The following AGTPBP1 variants were observed in gnomAD, a reference collection of about 807,000 sequenced individuals.
The protein encoded by AGTPBP1 is cytosolic carboxypeptidase 1.
Under a neutral mutation model 143.9 loss-of-function variants are expected in AGTPBP1, and 70 were observed. That is an observed-to-expected ratio of 0.49 (90% CI 0.40 to 0.59). AGTPBP1 has a LOEUF of 0.59. Among genes scored for constraint, AGTPBP1 ranks in the 20% least tolerant of loss-of-function variants. AGTPBP1 has a pLI of 0.00. For missense variants in AGTPBP1, 1,229 were observed against 1,464.5 expected, an observed-to-expected ratio of 0.84 and a Z score of 2.62; for synonymous variants, 463 against 500.2, an observed-to-expected ratio of 0.93 and a Z score of 0.99.
chr9:85,781,687 T>C, the AGTPBP1 span, among the ~76,000 whole-genome samples: 1 of 152,198 alleles, frequency 6.6e-6, no homozygotes, highest in Non-Finnish European at 1.5e-5. Flanking sequence ...AAATTAAGCC[T>C]TCTGATTATC....
rs1245015802 is a variant in AGTPBP1, at chr9:85,592,557, T to C, written c.2568+3A>G. 2 of 1,583,606 alleles carry C rather than the reference T, an allele frequency of 1.3e-6. No homozygotes were observed. The highest frequency in any genetic ancestry group is 1.4e-5 in the African/African-American group (1 of 73,398). ...ATAATACAATTTAATTTAGAGTTCT[T>C]ACCTGTAAAGTTGAATACGTATATG... On this transcript the variant is annotated splice_donor_region_variant and intron_variant, in intron 19 of 25. Transcript: ENST00000357081.
chr9:85,646,628 T>C (rs1178938895), intron 11 of AGTPBP1, among the ~76,000 whole-genome samples: 1 of 152,234 alleles, frequency 6.6e-6, no homozygotes, highest in Non-Finnish European at 1.5e-5. Flanking sequence ...GAAAGCACTG[T>C]AAAGGTGAAT....
the AGTPBP1 span, among the ~76,000 whole-genome samples, chr9:85,781,959 G>T: frequency 6.6e-6 from 1 of 152,128 alleles, no homozygotes; most frequent in Non-Finnish European, 1.5e-5. Context: ...CCCTCTTTAA[G>T]ATAGCTGAAT....
At chr9:85,561,409 C>A (rs1432655454) in intron 25 of AGTPBP1, among the ~76,000 whole-genome samples, 1 of 151,114 alleles carries the variant, frequency 6.6e-6, no homozygotes, top group Non-Finnish European at 1.5e-5. Context: ...AAAAGACAGA[C>A]CATTTTCAAA....
chr9:85,600,168 T>A (rs904662543), intron 17 of AGTPBP1, among the ~76,000 whole-genome samples: 1 of 152,220 alleles, frequency 6.6e-6, no homozygotes, highest in South Asian at 2.1e-4. Flanking sequence ...TCTTTTAAAG[T>A]GGAAGCATGT....
At chr9:85,647,955 C>T (rs1226087391) in intron 11 of AGTPBP1, among the ~76,000 whole-genome samples, 1 of 152,048 alleles carries the variant, frequency 6.6e-6, no homozygotes, top group South Asian at 2.1e-4. Context: ...ATTTTCAAGA[C>T]AAGAATGGCT....
intron 1 of AGTPBP1, 95 bp downstream of exon 1, chr9:85,741,680 T>C (rs1013180820): frequency 8.0e-7 from 1 of 1,256,378 alleles, no homozygotes; most frequent in Non-Finnish European, 1.0e-6. Flanking sequence ...GGGTCGCCCC[T>C]CCTACCCCCG....
the AGTPBP1 span, among the ~76,000 whole-genome samples, chr9:85,751,618 G>C: frequency 2.0e-5 from 3 of 151,854 alleles, no homozygotes; most frequent in Non-Finnish European, 4.4e-5. Context: ...TGCACCTTTT[G>C]TTTTGTTTTG....
At chr9:85,631,971 ATTTCCAATTAAAATGT>A (rs1396799204) in intron 14 of AGTPBP1, among the ~76,000 whole-genome samples, 4 of 152,264 alleles carry the variant, frequency 2.6e-5, no homozygotes, top group Non-Finnish European at 5.9e-5. Context: ...ACTTTTATCT[ATTTCCAATTAAAATGT>A]TTTCCAATTA....
chr9:85,692,321 TGGAGTG>T (rs1835932237), intron 3 of AGTPBP1, among the ~76,000 whole-genome samples: 2 of 151,648 alleles, frequency 1.3e-5, no homozygotes, highest in Admixed American at 1.3e-4. Context: ...TCGCCCAGGC[TGGAGTG>T]CAGTGGCACG....
chr9:85,563,376 TA>T (rs1226336733), intron 25 of AGTPBP1, among the ~76,000 whole-genome samples: 1 of 152,158 alleles, frequency 6.6e-6, no homozygotes. Context: ...TCAGACTTCT[TA>T]AAGAATACTT....
chr9:85,741,149 A>G (rs937704850), intron 1 of AGTPBP1: 1 of 895,172 alleles, frequency 1.1e-6, no homozygotes, highest in Non-Finnish European at 1.3e-6. Flanking sequence ...ATCCAGGGTG[A>G]TCTGATTCAG....
chr9:85,659,890 G>A (rs1833750001), intron 9 of AGTPBP1, among the ~76,000 whole-genome samples: 1 of 151,974 alleles, frequency 6.6e-6, no homozygotes, highest in Non-Finnish European at 1.5e-5. Flanking sequence ...TGTGATCTTG[G>A]TCTAAAGCTT....
the AGTPBP1 span, among the ~76,000 whole-genome samples, chr9:85,752,212 G>T: frequency 1.3e-5 from 2 of 151,930 alleles, no homozygotes; most frequent in East Asian, 3.9e-4. Context: ...CATACAGCCT[G>T]GGTGACAGAG....
chr9:85,764,567 A>G, the AGTPBP1 span: 23 of 523,976 alleles, frequency 4.4e-5, no homozygotes, highest in Non-Finnish European at 6.8e-5. Flanking sequence ...CCCTCCCTCA[A>G]AAAAATCCAT....
the AGTPBP1 span, among the ~76,000 whole-genome samples, chr9:85,770,060 G>GT: frequency 1.6e-4 from 19 of 116,644 alleles, 1 homozygote; most frequent in South Asian, 4.6e-3. Context: ...ATGTTAATCT[G>GT]TTGTGTGTGT....
intron 2 of AGTPBP1, among the ~76,000 whole-genome samples, chr9:85,703,879 A>G (rs1052150425): frequency 6.6e-6 from 1 of 152,260 alleles, no homozygotes; most frequent in African/African-American, 2.4e-5. Context: ...AAGTAGGTTT[A>G]GAAGCAGTGG....
At chr9:85,774,462 A>G in the AGTPBP1 span, among the ~76,000 whole-genome samples, 1 of 152,206 alleles carries the variant, frequency 6.6e-6, no homozygotes, top group East Asian at 1.9e-4. Flanking sequence ...ATTTCTGGTT[A>G]TAATTGTCAG....
chr9:85,596,479 T>C (rs768071362), intron 17 of AGTPBP1, 30 bp from the exon 18 acceptor site: 4 of 1,425,396 alleles, frequency 2.8e-6, no homozygotes, highest in Non-Finnish European at 2.9e-6. Flanking sequence ...AGAGAGAAAA[T>C]TATTTTCATA....
Sources: gnomAD v4.1 joint callset for allele counts (sites outside exome capture counted in the v4.1 genomes callset) on GRCh38, gnomAD v4.1.1 for gene constraint, MANE v1.5 for transcripts, NCBI Gene and HGNC (gene_info 2026-07-23, HGNC 2026-07-21) for gene names.